Variants in LRP1B observed in about 807,000 individuals in gnomAD.
LRP1B encodes the protein LDL receptor related protein 1B.
LRP1B carries 217 observed loss-of-function variants against 556.6 expected under a neutral mutation model. The ratio of observed to expected loss-of-function variants is 0.39; its 90% CI spans 0.35 to 0.44. LRP1B has a LOEUF of 0.44. Among genes scored for constraint, LRP1B ranks in the 20% least tolerant of loss-of-function variants. LRP1B has a pLI of 1.00. For missense variants in LRP1B, 5,053 were observed against 5,620.8 expected (o/e 0.90, Z 3.23); for synonymous variants, 2,047 against 1,865.8 (o/e 1.10, Z -2.50).
intron 2 of LRP1B, among the ~76,000 whole-genome samples, chr2:141,527,897 T>C (rs1263519617): frequency 6.6e-6 from 1 of 152,082 alleles, no homozygotes; most frequent in Non-Finnish European, 1.5e-5. Flanking sequence ...ATGATTTAAC[T>C]CTTCTCATAG....
At chr2:141,104,286 CAT>C (rs995465932) in intron 7 of LRP1B, among the ~76,000 whole-genome samples, 2 of 151,824 alleles carry the variant, frequency 1.3e-5, no homozygotes, top group Non-Finnish European at 2.9e-5. Context: ...ATAATAGTAA[CAT>C]AGCAAAAAGT....
chr2:141,493,997 T>A (rs1683426908), intron 2 of LRP1B, among the ~76,000 whole-genome samples: 1 of 152,182 alleles, frequency 6.6e-6, no homozygotes, highest in African/African-American at 2.4e-5. Context: ...AAACCCTTCC[T>A]TTAAGCATTT....
intron 2 of LRP1B, among the ~76,000 whole-genome samples, chr2:141,722,727 T>C (rs973856862): frequency 7.3e-6 from 1 of 137,668 alleles, no homozygotes; most frequent in South Asian, 2.5e-4. Context: ...GGCAGATAGA[T>C]ACATAGATAG....
intron 2 of LRP1B, among the ~76,000 whole-genome samples, chr2:141,698,605 A>T (rs1691821402): frequency 6.6e-6 from 1 of 151,822 alleles, no homozygotes; most frequent in African/African-American, 2.4e-5. Flanking sequence ...AGCTATGTTC[A>T]ATAGCTAGAT....
At chr2:142,008,453 T>A (rs1458217804) in intron 1 of LRP1B, among the ~76,000 whole-genome samples, 3 of 152,004 alleles carry the variant, frequency 2.0e-5, no homozygotes, top group Admixed American at 6.6e-5. Context: ...CTGATTTCTC[T>A]GGATACATGG....
At chr2:140,780,660 T>C (rs1689666469) in intron 32 of LRP1B, among the ~76,000 whole-genome samples, 1 of 152,170 alleles carries the variant, frequency 6.6e-6, no homozygotes, top group Non-Finnish European at 1.5e-5. Flanking sequence ...TTCTCCAAGA[T>C]GTATCTCTCT....
chr2:140,672,006 A>G (rs1226817409), intron 41 of LRP1B, among the ~76,000 whole-genome samples: 1 of 152,194 alleles, frequency 6.6e-6, no homozygotes, highest in African/African-American at 2.4e-5. Flanking sequence ...AAAAGTCTGT[A>G]ATTTCATCAT....
At chr2:141,577,379 C>T (rs995705255) in intron 2 of LRP1B, among the ~76,000 whole-genome samples, 3 of 152,188 alleles carry the variant, frequency 2.0e-5, no homozygotes, top group Non-Finnish European at 4.4e-5. Context: ...TAATTCACTA[C>T]TCTTCTTCGT....
Position 141,326,165 on chromosome 2 carries a change from T to C in LRP1B, c.344-71524A>G, listed in dbSNP as rs1009744819. On this transcript the variant is annotated intron_variant, in intron 3 of 90. Transcript: ENST00000389484. ...TGAGCTTGTCATCTGTGGCAAGGCA[T>C]TGGGAGTACAAACCAAGTAAGACAT... Among the ~76,000 whole-genome samples, 3 of 152,110 alleles carry C rather than the reference T, an allele frequency of 2.0e-5. No individual in the cohort carries two copies. In the South Asian group the frequency reaches 6.2e-4, roughly 31 times the overall value.
At chr2:141,899,491 C>T (rs777017381) in intron 1 of LRP1B, among the ~76,000 whole-genome samples, 1 of 152,042 alleles carries the variant, frequency 6.6e-6, no homozygotes, top group South Asian at 2.1e-4. Context: ...GCAGAGCATG[C>T]GGCACTCTCT....
chr2:141,364,765 T>C (rs1288982780), intron 3 of LRP1B, among the ~76,000 whole-genome samples: 2 of 152,232 alleles, frequency 1.3e-5, no homozygotes, highest in African/African-American at 4.8e-5. Flanking sequence ...AATGTGAAAA[T>C]GTGAAATTTG....
At chr2:141,055,752 T>C (rs774564944) in intron 9 of LRP1B, among the ~76,000 whole-genome samples, 8 of 151,676 alleles carry the variant, frequency 5.3e-5, no homozygotes, top group Non-Finnish European at 8.8e-5. Context: ...TGAGGCAAAA[T>C]ATTTTTTAAA....
At chr2:140,828,955 A>C (rs921085874) in intron 31 of LRP1B, among the ~76,000 whole-genome samples, 3 of 152,112 alleles carry the variant, frequency 2.0e-5, no homozygotes, top group Admixed American at 2.0e-4. Context: ...CATGTAAATA[A>C]AAATCAAAAG....
intron 6 of LRP1B, among the ~76,000 whole-genome samples, chr2:141,226,225 G>C (rs1469920989): frequency 6.6e-6 from 1 of 151,856 alleles, no homozygotes; most frequent in Non-Finnish European, 1.5e-5. Context: ...CTTTTCTAGT[G>C]TAAAAGAAAA....
intron 7 of LRP1B, among the ~76,000 whole-genome samples, chr2:141,175,806 G>A (rs1280329296): frequency 6.6e-6 from 1 of 152,124 alleles, no homozygotes; most frequent in Non-Finnish European, 1.5e-5. Flanking sequence ...AAAAGGCATA[G>A]GCATTCAACA....
At chr2:140,723,348 T>C (rs1332716981) in intron 35 of LRP1B, among the ~76,000 whole-genome samples, 1 of 152,154 alleles carries the variant, frequency 6.6e-6, no homozygotes, top group Non-Finnish European at 1.5e-5. Flanking sequence ...TAAACATCCC[T>C]AGTTCATCTT....
chr2:141,624,792 T>C (rs1247313608), intron 2 of LRP1B, among the ~76,000 whole-genome samples: 4 of 152,224 alleles, frequency 2.6e-5, no homozygotes, highest in African/African-American at 7.2e-5. Context: ...TTTTTTGAGA[T>C]GGGGTCTCGC....
At chr2:140,457,316 C>G (rs545613682) in intron 61 of LRP1B, 147 bp downstream of exon 61, 17 of 648,718 alleles carry the variant, frequency 2.6e-5, no homozygotes, top group African/African-American at 2.4e-4. Flanking sequence ...TTCATATTGA[C>G]TGAATTCTTC....
At chr2:140,573,022 G>A (rs1011710830) in intron 43 of LRP1B, among the ~76,000 whole-genome samples, 8 of 151,462 alleles carry the variant, frequency 5.3e-5, no homozygotes, top group South Asian at 2.1e-4. Flanking sequence ...AGGAGATGTC[G>A]GTTAACAAAT....
Sources: gnomAD v4.1 joint callset for allele counts (sites outside exome capture counted in the v4.1 genomes callset) on GRCh38, gnomAD v4.1.1 for gene constraint, MANE v1.5 for transcripts, NCBI Gene and HGNC (gene_info 2026-07-23, HGNC 2026-07-21) for gene names.